Variants in FBXO10 observed in about 807,000 individuals in gnomAD.
FBXO10 encodes F-box only protein 10.
In FBXO10, 39 loss-of-function variants were observed where a neutral mutation model predicts 80.7. That is an observed-to-expected ratio of 0.48 (90% CI 0.37 to 0.63). The LOEUF is 0.63. Ranked by LOEUF, FBXO10 falls within the 30% of genes least tolerant of loss-of-function variation. The pLI is 0.00. For missense variants in FBXO10, 1,025 were observed against 1,269.0 expected (o/e 0.81, Z 2.92); for synonymous variants, 449 against 489.6 (o/e 0.92, Z 1.09).
At chr9:37,561,169 T>C (rs1969936) in intron 1 of FBXO10, among the ~76,000 whole-genome samples, 121,021 of 147,120 alleles carry the variant, frequency 0.82, 49,793 homozygotes, top group East Asian at 1. Context: ...CAAAACAAAA[T>C]CAACTTTTTT....
intron 10 of FBXO10, among the ~76,000 whole-genome samples, chr9:37,513,229 G>A (rs1373720079): frequency 6.6e-6 from 1 of 152,184 alleles, no homozygotes; most frequent in East Asian, 1.9e-4. Context: ...AAACTCCTGG[G>A]CTCAAGTGAT....
intron 1 of FBXO10, among the ~76,000 whole-genome samples, chr9:37,572,762 CGTGT>C (rs1365880920): frequency 6.6e-6 from 1 of 152,030 alleles, no homozygotes; most frequent in African/African-American, 2.4e-5. Context: ...TTGGTGATTA[CGTGT>C]GTATTTCCTT....
At chr9:37,547,354 T>C (rs1344443524) in intron 1 of FBXO10, among the ~76,000 whole-genome samples, 1 of 151,186 alleles carries the variant, frequency 6.6e-6, no homozygotes, top group Non-Finnish European at 1.5e-5. Flanking sequence ...CTTTGGGAGG[T>C]CCAGGTAGGT....
At chr9:37,567,450 T>C (rs534677706) in intron 1 of FBXO10, among the ~76,000 whole-genome samples, 1 of 152,010 alleles carries the variant, frequency 6.6e-6, no homozygotes, top group Non-Finnish European at 1.5e-5. Flanking sequence ...CAGCCTTACA[T>C]ATCGTCTTAA....
intron 1 of FBXO10, among the ~76,000 whole-genome samples, chr9:37,565,107 C>T (rs1479065226): frequency 6.6e-6 from 1 of 152,146 alleles, no homozygotes; most frequent in East Asian, 1.9e-4. Flanking sequence ...AGATCTGATG[C>T]TTTTATAAGT....
At chr9:37,519,679 T>C (rs1412832745) in intron 8 of FBXO10, among the ~76,000 whole-genome samples, 1 of 152,186 alleles carries the variant, frequency 6.6e-6, no homozygotes, top group Admixed American at 6.5e-5. Context: ...ACAGACAGCA[T>C]GGCCACATGG....
chr9:37,559,962 G>A (rs1822437461), intron 1 of FBXO10, among the ~76,000 whole-genome samples: 1 of 152,162 alleles, frequency 6.6e-6, no homozygotes, highest in Non-Finnish European at 1.5e-5. Flanking sequence ...ACTCTAAAGG[G>A]CATTATTATA....
chr9:37,535,653 C>T (rs193067413), intron 3 of FBXO10, among the ~76,000 whole-genome samples: 11 of 152,272 alleles, frequency 7.2e-5, no homozygotes, highest in African/African-American at 1.4e-4. Flanking sequence ...CCACAGCACC[C>T]GGCTGACACT....
At chr9:37,544,666 G>C (rs1822007333) in intron 1 of FBXO10, among the ~76,000 whole-genome samples, 2 of 152,018 alleles carry the variant, frequency 1.3e-5, no homozygotes, top group Admixed American at 1.3e-4. Flanking sequence ...AGATGAGTAG[G>C]TTCTTCTCTA....
At chr9:37,575,298 G>C (rs929989380) in intron 1 of FBXO10, among the ~76,000 whole-genome samples, 16 of 152,166 alleles carry the variant, frequency 1.1e-4, no homozygotes, top group Non-Finnish European at 2.2e-4. Context: ...AGGGGGCCCA[G>C]AATGAGAAAA....
chr9:37,519,648 TGGCTTTG>T (rs1466073633), intron 8 of FBXO10, among the ~76,000 whole-genome samples: 1 of 152,120 alleles, frequency 6.6e-6, no homozygotes, highest in African/African-American at 2.4e-5. Context: ...TGAACGTAGG[TGGCTTTG>T]CCTGTCGTAC....
chr9:37,546,829 C>T (rs1045554770), intron 1 of FBXO10, among the ~76,000 whole-genome samples: 4 of 151,732 alleles, frequency 2.6e-5, no homozygotes, highest in East Asian at 1.9e-4. Flanking sequence ...TGCAGGCGTG[C>T]GCCACCACGC....
At chr9:37,551,390 T>C (rs1399212929) in intron 1 of FBXO10, among the ~76,000 whole-genome samples, 4 of 152,188 alleles carry the variant, frequency 2.6e-5, no homozygotes, top group East Asian at 1.9e-4. Context: ...CTCCACTAGG[T>C]AATGCCCAAA....
chr9:37,560,163 T>C (rs1231562615), intron 1 of FBXO10, among the ~76,000 whole-genome samples: 1 of 152,198 alleles, frequency 6.6e-6, no homozygotes. Flanking sequence ...ATCAGAGCTA[T>C]ATTTTAAGGA....
At position 37,518,036 on chromosome 9, in the gene FBXO10, G is replaced by A. The variant is rs1033849433; in HGVS notation, c.2514+89C>T. The A allele has an allele frequency of 1.3e-4, 172 of 1,317,324 alleles. 1 individual carries two copies. Among genetic ancestry groups the A allele is most frequent in the African/African-American group, 1.5e-4 (10 of 68,168 alleles). The allele number at this position is 1,317,324 out of a possible 1,614,324, so 81.6% of individuals were successfully genotyped here. A position where few individuals can be genotyped will look rare whatever the true frequency, so the allele number is the denominator to read the frequency against. ...GTCCCTTGTAGTGCTGAGTGATTAC[G>A]GTTCTGTTCTCAGCAGAGGCCACGA... On this transcript the variant is annotated intron_variant, in intron 9 of 10. Transcript: ENST00000432825.
intron 3 of FBXO10, among the ~76,000 whole-genome samples, chr9:37,534,291 G>GCTTCTGCTT (rs1564340807): frequency 4.6e-5 from 7 of 152,184 alleles, no homozygotes; most frequent in African/African-American, 1.7e-4. Context: ...GGAGAAAGTA[G>GCTTCTGCTT]AAAGAATATA....
chr9:37,512,403 G>A lies in FBXO10; in HGVS notation c.*144C>T. 1.4e-6 allele frequency: 1 copy of A among 730,050 alleles called. No individual in the cohort carries two copies. Among genetic ancestry groups the A allele is most frequent in the South Asian group, 2.3e-5 (1 of 44,408 alleles). 45.2% of individuals were successfully genotyped at this position (730,050 alleles called of 1,614,324 possible). ...TCTTGCTATGGGCTGTGGAGCTGAA[G>A]TGTTCTGGAGGTACCGTGTTTTGGA... On this transcript the variant is annotated 3_prime_UTR_variant, in exon 11 of 11. Transcript: ENST00000432825.
rs1432276625 is a variant in FBXO10, at chr9:37,529,267, G to A, written c.1570-7C>T. ...CATGGTGGATCTGGTTACACTGCAA[G>A]TGAAAATGAGACACCACAGAAGCCA... On this transcript the variant is annotated splice_region_variant and splice_polypyrimidine_tract_variant and intron_variant, in intron 4 of 10. Coordinates refer to ENST00000432825, the MANE Select transcript of FBXO10 (RefSeq NM_012166.3). 1 of 1,600,006 alleles carries A rather than the reference G, an allele frequency of 6.2e-7. No individual in the cohort carries two copies.
At position 37,537,613 on chromosome 9, in the gene FBXO10, G is replaced by A. The variant is rs368622780; in HGVS notation, c.916C>T (p.Pro306Ser). Residue 306 changes from proline (P) to serine (S), a missense_variant, in exon 3 of 11, where the codon CCA (proline) becomes TCA (serine). Transcript: ENST00000432825. ...DLESRDQAWS[P>S]KTCDIVIEGS... ...TCGATAACAATGTCACAGGTCTTTG[G>A]GCTCCAGGCCTGGTCCCGGCTCTCT... 30 of 1,613,862 alleles carry A rather than the reference G, an allele frequency of 1.9e-5. No homozygotes were observed. The highest frequency in any genetic ancestry group is 2.4e-5 in the Non-Finnish European group (28 of 1,179,894).
Sources: allele counts gnomAD v4.1 joint callset (sites outside exome capture counted in the v4.1 genomes callset), GRCh38; gene constraint gnomAD v4.1.1; transcripts MANE v1.5; gene names NCBI Gene and HGNC (gene_info 2026-07-23, HGNC 2026-07-21).